Variants in RPTOR observed in about 807,000 individuals in gnomAD.
RPTOR encodes regulatory associated protein of MTOR complex 1, also known as regulatory-associated protein of mTOR.
In RPTOR, 21 loss-of-function variants were observed where a neutral mutation model predicts 169.9. The observed-to-expected ratio is 0.12, with a 90% CI of 0.09 to 0.18. The LOEUF (loss-of-function observed/expected upper bound fraction) is 0.18, where lower values mean the gene tolerates loss of function less well. Among genes scored for constraint, RPTOR ranks in the 10% least tolerant of loss-of-function variants. The probability of loss-of-function intolerance (pLI) is 1.00; values close to 1 mark genes in which losing one functional copy is unlikely to be tolerated. For missense variants in RPTOR, 1,133 were observed against 1,855.9 expected (o/e 0.61, Z 7.16); for synonymous variants, 732 against 753.2 (o/e 0.97, Z 0.46).
chr17:80,917,259 C>CGT (rs1017966288), intron 21 of RPTOR, among the ~76,000 whole-genome samples: 1 of 151,800 alleles, frequency 6.6e-6, no homozygotes, highest in African/African-American at 2.4e-5. Context: ...ATTACAGGCA[C>CGT]GCGCTACCAT....
At chr17:80,704,343 G>T (rs2066126461) in intron 3 of RPTOR, among the ~76,000 whole-genome samples, 1 of 152,090 alleles carries the variant, frequency 6.6e-6, no homozygotes, top group Non-Finnish European at 1.5e-5. Context: ...CCAACATTCA[G>T]GTATTTAGAA....
chr17:80,753,844 T>C (rs978576050), intron 5 of RPTOR, among the ~76,000 whole-genome samples, 166 bp from the exon 6 acceptor site: 8 of 151,994 alleles, frequency 5.3e-5, no homozygotes, highest in Non-Finnish European at 1.2e-4. Flanking sequence ...ACAGTCTGTC[T>C]CTGGAGACAG....
chr17:80,817,460 C>T (rs1177665236), intron 7 of RPTOR, among the ~76,000 whole-genome samples: 13 of 152,004 alleles, frequency 8.6e-5, no homozygotes, highest in Admixed American at 8.5e-4. Flanking sequence ...GAAGGCGCCC[C>T]CGAGAATCCA....
At chr17:80,916,438 C>A (rs2333982) in intron 21 of RPTOR, among the ~76,000 whole-genome samples, 3 of 152,054 alleles carry the variant, frequency 2.0e-5, no homozygotes, top group African/African-American at 7.2e-5. Flanking sequence ...TGCATGGCTG[C>A]GCACAGTGGC....
In RPTOR at chr17:80,936,972, C is replaced by T. The variant is rs996119090; in HGVS notation, c.2920-3524C>T. Among the ~76,000 whole-genome samples the T allele has an allele frequency of 2.4e-4, 37 of 152,348 alleles. No individual in the cohort carries two copies. The highest frequency in any genetic ancestry group is 8.2e-4 in the African/African-American group (34 of 41,580). On this transcript the variant is annotated intron_variant, in intron 24 of 33. Transcript: ENST00000306801. The surrounding 1 kb of genome is among the most constrained non-coding windows in gnomAD (Gnocchi z 4.1). Reference sequence around the variant, plus strand: ...ATCACCTCTGTTGCCTGTGGACTCACGACGCACACCACTACCTCTTCCGCC... The same window carrying T: ...ATCACCTCTGTTGCCTGTGGACTCATGACGCACACCACTACCTCTTCCGCC...
chr17:80,840,345 A>ACTCACCACACGGCAGCTCACT (rs1567941834), intron 10 of RPTOR, among the ~76,000 whole-genome samples: 3 of 123,656 alleles, frequency 2.4e-5, no homozygotes, highest in African/African-American at 9.5e-5. Flanking sequence ...GGCAGCTCAC[A>ACTCACCACACGGCAGCTCACT]CTCACCACAC....
At chr17:80,773,331 A>C (rs2066862841) in intron 6 of RPTOR, among the ~76,000 whole-genome samples, 1 of 152,226 alleles carries the variant, frequency 6.6e-6, no homozygotes, top group Non-Finnish European at 1.5e-5. Context: ...AGTTGCAGCT[A>C]CATCACACTC....
At chr17:80,906,043 G>GT (rs1210309165) in intron 20 of RPTOR, among the ~76,000 whole-genome samples, 1 of 152,168 alleles carries the variant, frequency 6.6e-6, no homozygotes, top group Non-Finnish European at 1.5e-5. Flanking sequence ...TGGGTCTCAG[G>GT]TGGGCAGTCA....
intron 3 of RPTOR, among the ~76,000 whole-genome samples, chr17:80,686,027 G>A (rs1186683506): frequency 3.9e-5 from 6 of 151,940 alleles, no homozygotes; most frequent in East Asian, 3.9e-4. Flanking sequence ...TCAGGCCTCC[G>A]ACCCATCTGG....
At chr17:80,570,027 G>T (rs2064886901) in intron 1 of RPTOR, among the ~76,000 whole-genome samples, 1 of 152,068 alleles carries the variant, frequency 6.6e-6, no homozygotes, top group African/African-American at 2.4e-5. Flanking sequence ...CTCCGTTTCT[G>T]CCTCCTCCGT....
At chr17:80,816,131 GA>G (rs930853735) in intron 7 of RPTOR, among the ~76,000 whole-genome samples, 5 of 152,254 alleles carry the variant, frequency 3.3e-5, no homozygotes, top group African/African-American at 1.2e-4. Flanking sequence ...AAAAGTAATG[GA>G]AAACCACCAC....
chr17:80,555,223 C>T (rs2084393639), intron 1 of RPTOR, among the ~76,000 whole-genome samples: 1 of 152,170 alleles, frequency 6.6e-6, no homozygotes, highest in South Asian at 2.1e-4. Flanking sequence ...AACATAAAGG[C>T]CCTAATCTGT....
At position 80,613,890 on chromosome 17, in the gene RPTOR, C is replaced by T. The variant is rs115619248; in HGVS notation, c.163-11801C>T. On this transcript the variant is annotated intron_variant, in intron 1 of 33. Transcript: ENST00000306801. ...GTTCTGGATAAGTGGCTGTGGAGCA[C>T]GATGAAGCGTCTATCGCAGCATCAT... Among the ~76,000 whole-genome samples the T allele has an allele frequency of 2.4e-3, 365 of 152,324 alleles. 1 individual carries two copies. The highest frequency in any genetic ancestry group is 8.5e-3 in the African/African-American group (352 of 41,572).
At chr17:80,634,590 G>T (rs2065482093) in intron 2 of RPTOR, among the ~76,000 whole-genome samples, 3 of 46,374 alleles carry the variant, frequency 6.5e-5, no homozygotes, top group Admixed American at 2.0e-4. Flanking sequence ...TGTGCGTACT[G>T]TGTGTGTGCG....
At chr17:80,620,538 C>G (rs1438288191) in intron 1 of RPTOR, among the ~76,000 whole-genome samples, 1 of 152,116 alleles carries the variant, frequency 6.6e-6, no homozygotes, top group African/African-American at 2.4e-5. Flanking sequence ...GCGGATGCTG[C>G]CAGATCACCC....
chr17:80,946,462 T>A (rs113045813), intron 26 of RPTOR, among the ~76,000 whole-genome samples: 3 of 152,308 alleles, frequency 2.0e-5, no homozygotes, highest in African/African-American at 7.2e-5. Context: ...AACCAAAACT[T>A]GGTCCCCATC....
intron 24 of RPTOR, among the ~76,000 whole-genome samples, chr17:80,940,085 AG>A (rs1183448358): frequency 2.2e-4 from 33 of 152,378 alleles, no homozygotes; most frequent in Admixed American, 2.1e-3. Context: ...CAAAGCCTTC[AG>A]CCTTTGAGAA....
At chr17:80,916,172 CAAG>C (rs943450662) in intron 21 of RPTOR, among the ~76,000 whole-genome samples, 12 of 152,248 alleles carry the variant, frequency 7.9e-5, no homozygotes, top group Admixed American at 5.2e-4. Context: ...TTGCAGATGA[CAAG>C]AAGGAGAGAA....
chr17:80,598,985 T>C (rs931562748), intron 1 of RPTOR, among the ~76,000 whole-genome samples: 3 of 152,080 alleles, frequency 2.0e-5, no homozygotes, highest in Admixed American at 2.0e-4. Flanking sequence ...TTGTGATCAC[T>C]GCAGCCTCAA....
Sources: gnomAD v4.1 joint callset for allele counts (sites outside exome capture counted in the v4.1 genomes callset) on GRCh38, gnomAD v4.1.1 for gene constraint, Gnocchi (gnomAD v3.1) non-coding constraint, MANE v1.5 for transcripts, NCBI Gene and HGNC (gene_info 2026-07-23, HGNC 2026-07-21) for gene names.